NIPBL: variants seen among roughly 807,000 people sequenced by gnomAD.
NIPBL encodes nipped-B-like protein.
Under a neutral mutation model 321.8 loss-of-function variants are expected in NIPBL, and 19 were observed. That is an observed-to-expected ratio of 0.06 (90% confidence interval 0.04 to 0.09). The LOEUF is 0.09. Ranked by LOEUF, NIPBL falls within the 10% of genes least tolerant of loss-of-function variation. The probability of loss-of-function intolerance (pLI) is 1.00; values close to 1 mark genes in which losing one functional copy is unlikely to be tolerated. For synonymous variants in NIPBL, 1,106 were observed against 1,114.1 expected, an observed-to-expected ratio of 0.99 and a Z score of 0.14; for missense variants, 2,210 against 3,327.0, an observed-to-expected ratio of 0.66 and a Z score of 8.26.
At chr5:36,926,734 G>T (rs1470779357) in intron 1 of NIPBL, among the ~76,000 whole-genome samples, 1 of 151,972 alleles carries the variant, frequency 6.6e-6, no homozygotes, top group Non-Finnish European at 1.5e-5. Context: ...TATTTTTGTG[G>T]GTACATAGTA....
intron 10 of NIPBL, among the ~76,000 whole-genome samples, chr5:36,992,723 TTTA>T (rs1022946030): frequency 4.4e-5 from 6 of 136,870 alleles, no homozygotes; most frequent in Admixed American, 4.3e-4. Flanking sequence ...TATTTATTTA[TTTA>T]TTTATTTATT....
chr5:37,052,598 T>C (rs778825360), intron 42 of NIPBL, 32 bp downstream of exon 42: 1 of 1,556,818 alleles, frequency 6.4e-7, no homozygotes, highest in Non-Finnish European at 8.9e-7. Flanking sequence ...TTTAAGAAAA[T>C]AAGTGCTCTA....
chr5:36,933,918 TG>T (rs11459189), intron 1 of NIPBL, among the ~76,000 whole-genome samples: 2 of 151,806 alleles, frequency 1.3e-5, no homozygotes, highest in South Asian at 2.1e-4. Flanking sequence ...AATAAGAGTA[TG>T]GGGGGGTGGG....
intron 22 of NIPBL, among the ~76,000 whole-genome samples, chr5:37,015,358 C>T (rs985368881): frequency 1.3e-5 from 2 of 152,062 alleles, no homozygotes; most frequent in Non-Finnish European, 2.9e-5. Flanking sequence ...TCCCAACCTC[C>T]GGTGATCTGC....
chr5:37,041,066 A>G (rs537684999), intron 34 of NIPBL, among the ~76,000 whole-genome samples: 4 of 151,076 alleles, frequency 2.6e-5, no homozygotes, highest in African/African-American at 9.7e-5. Context: ...TAGATATTAA[A>G]CCATCTTATA....
chr5:36,900,657 A>G (rs1482044598), intron 1 of NIPBL, among the ~76,000 whole-genome samples: 1 of 151,978 alleles, frequency 6.6e-6, no homozygotes, highest in Non-Finnish European at 1.5e-5. Context: ...AGCATATGGC[A>G]TATGCTCGGG....
chr5:37,033,369 C>G (rs370373844), intron 32 of NIPBL, among the ~76,000 whole-genome samples: 1 of 151,940 alleles, frequency 6.6e-6, no homozygotes, highest in African/African-American at 2.4e-5. Context: ...TTCAAAGATA[C>G]ATTACATAAT....
At chr5:36,988,456 G>A (rs1424481586) in intron 10 of NIPBL, among the ~76,000 whole-genome samples, 2 of 151,748 alleles carry the variant, frequency 1.3e-5, no homozygotes, top group East Asian at 3.9e-4. Context: ...AGGATGCCGT[G>A]TAGCTATCTT....
intron 1 of NIPBL, among the ~76,000 whole-genome samples, chr5:36,935,578 A>G (rs1208164924): frequency 1.3e-5 from 2 of 152,194 alleles, no homozygotes; most frequent in Non-Finnish European, 2.9e-5. Flanking sequence ...CAGTGCCAAC[A>G]CAGAACACAC....
intron 11 of NIPBL, among the ~76,000 whole-genome samples, chr5:36,997,855 A>C (rs1746317987): frequency 6.6e-6 from 1 of 152,198 alleles, no homozygotes; most frequent in Non-Finnish European, 1.5e-5. Flanking sequence ...GAGAACGTTA[A>C]GTTGCAAGCA....
In NIPBL at chr5:36,996,013, T is replaced by G. The variant is rs903424786; in HGVS notation, c.3304+209T>G. ...AAAAAAATATTAAATAAGCTACAAT[T>G]AATTTTAAAACACAGGTAGGTATGT... On this transcript the variant is annotated intron_variant, in intron 11 of 46. Transcript: ENST00000282516. The surrounding 1 kb of genome is among the most constrained non-coding windows in gnomAD (Gnocchi z 5.0). Among the ~76,000 whole-genome samples the G allele has an allele frequency of 6.6e-6, 1 of 152,146 alleles. No individual in the cohort carries two copies. Among genetic ancestry groups the G allele is most frequent in the Non-Finnish European group, 1.5e-5 (1 of 68,020 alleles).
In NIPBL at chr5:36,892,777, A is replaced by G. The variant is rs1263500934; in HGVS notation, c.-80+15599A>G. ...CACAGGAGGGGGAACATCACACACC[A>G]GGGACTGTTGTGGGGTGGGGGGAGT... On this transcript the variant is annotated intron_variant, in intron 1 of 46. Transcript: ENST00000282516. Among the ~76,000 whole-genome samples the G allele has an allele frequency of 2.7e-4, 40 of 147,060 alleles. 1 individual carries two copies. Among genetic ancestry groups the G allele is most frequent in the Middle Eastern group, 3.5e-3 (1 of 286 alleles).
intron 1 of NIPBL, among the ~76,000 whole-genome samples, chr5:36,878,802 C>CG (rs1221790101): frequency 6.6e-6 from 1 of 152,154 alleles, no homozygotes; most frequent in Non-Finnish European, 1.5e-5. Flanking sequence ...TAGTCAGTAG[C>CG]GTGTCCGTGA....
intron 1 of NIPBL, among the ~76,000 whole-genome samples, chr5:36,901,975 T>C (rs1463992128): frequency 6.6e-6 from 1 of 152,200 alleles, no homozygotes; most frequent in Non-Finnish European, 1.5e-5. Flanking sequence ...GGTGTCTCAT[T>C]GTGGTTTTGA....
rs1749360768 is a variant in NIPBL at position 37,019,325 on chromosome 5, A to C, written c.4935A>C (p.Glu1645Asp). Reference sequence around the variant, plus strand: ...TTATTCTATAGGTTTCAGGAGGGGAAGATGAAATCCAACAATTACAAAAAG... The same window carrying C: ...TTATTCTATAGGTTTCAGGAGGGGACGATGAAATCCAACAATTACAAAAAG... Reference protein sequence around the residue: ...ERILKQVSGGEDEIQQLQKAL... With the variant: ...ERILKQVSGGDDEIQQLQKAL... Residue 1645 changes from glutamate (E) to aspartate (D), a missense_variant, in exon 25 of 47, where the codon GAA becomes GAC. Transcript: ENST00000282516. The C allele has an allele frequency of 2.5e-6, 4 of 1,610,930 alleles. No individual in the cohort carries two copies. Among genetic ancestry groups the C allele is most frequent in the Non-Finnish European group, 3.4e-6 (4 of 1,177,318 alleles).
At chr5:36,916,728 C>G (rs1482846511) in intron 1 of NIPBL, among the ~76,000 whole-genome samples, 1 of 151,908 alleles carries the variant, frequency 6.6e-6, no homozygotes, top group African/African-American at 2.4e-5. Flanking sequence ...TCAATTCCCA[C>G]TTATGAGTGA....
At position 37,013,850 on chromosome 5, in the gene NIPBL, G is replaced by A. The variant is rs575798630; in HGVS notation, c.4561-833G>A. ...CAATCTCGGCACTTTGAGAGGCCAA[G>A]GCAGGCTGCTGGGAGGTGGAGGTTG... On this transcript the variant is annotated intron_variant, in intron 21 of 46. Transcript: ENST00000282516. 2.0e-5 allele frequency among the ~76,000 whole-genome samples: 3 copies of A among 152,350 alleles called. No homozygotes were observed. The South Asian group carries it at 6.2e-4, about 32-fold the overall frequency.
At chr5:36,995,135 C>G (rs1227693667) in intron 10 of NIPBL, 1 of 158,558 alleles carries the variant, frequency 6.3e-6, no homozygotes, top group African/African-American at 2.4e-5. Context: ...ACACAACTGC[C>G]AAGATCATAG....
At chr5:37,038,459 A>T in intron 33 of NIPBL, 143 bp from the exon 34 acceptor site, 1 of 639,822 alleles carries the variant, frequency 1.6e-6, no homozygotes, top group African/African-American at 1.8e-5. Flanking sequence ...AAAGTCTAGT[A>T]TCATAAGAAC....
Sources: allele counts gnomAD v4.1 joint callset (sites outside exome capture counted in the v4.1 genomes callset), GRCh38; gene constraint gnomAD v4.1.1; non-coding constraint Gnocchi (gnomAD v3.1); transcripts MANE v1.5; gene names NCBI Gene and HGNC (gene_info 2026-07-23, HGNC 2026-07-21).